Variants in TRPM7 observed in about 807,000 individuals in gnomAD.
The protein encoded by TRPM7 is transient receptor potential cation channel subfamily M member 7.
Under a neutral mutation model 229.7 loss-of-function variants are expected in TRPM7, and 134 were observed. The ratio of observed to expected loss-of-function variants is 0.58; its 90% CI spans 0.51 to 0.67. The LOEUF (loss-of-function observed/expected upper bound fraction) is 0.67. TRPM7 is among the 30% of genes least tolerant of loss of function. The probability of loss-of-function intolerance (pLI) is 0.00; values close to 1 mark genes in which losing one functional copy is unlikely to be tolerated. For synonymous variants in TRPM7, 699 were observed against 715.2 expected (o/e 0.98, Z 0.36); for missense variants, 1,901 against 2,210.0 (o/e 0.86, Z 2.80).
chr15:50,592,062 T>C lies in TRPM7; in HGVS notation c.4173A>G (p.Ile1391Met), dbSNP rs746157060. 5 of 1,613,336 alleles carry C rather than the reference T, an allele frequency of 3.1e-6. No homozygotes were observed. The highest frequency in any genetic ancestry group is 4.2e-6 in the Non-Finnish European group (5 of 1,179,794). The change falls in exon 26 of 39, where the codon ATA becomes ATG. Residue 1391 changes from isoleucine (I) to methionine (M), a missense_variant. Physicochemically the swap from Ile to Met is conservative, Grantham distance 10 (BLOSUM62 1). Transcript: ENST00000646667. ...TGGTTGGTGGGGATGACAGATGTGGTATGCTAGTAGATGAACTGCCTAATT... is the reference window on the plus strand; with the variant it reads ...TGGTTGGTGGGGATGACAGATGTGGCATGCTAGTAGATGAACTGCCTAATT... ...NQKLGSSSTS[I>M]PHLSSPPTKF...
intron 13 of TRPM7, among the ~76,000 whole-genome samples, chr15:50,615,891 C>T (rs866383742): frequency 3.3e-5 from 5 of 151,772 alleles, no homozygotes; most frequent in East Asian, 1.9e-4. Context: ...GGCGAAACTC[C>T]GTCTCAAAAA....
In TRPM7 at chr15:50,593,576, AT is replaced by A. The variant is rs768294474; in HGVS notation, c.3608+40del. 3.6e-5 allele frequency: 58 copies of A among 1,591,068 alleles called. 1 individual carries two copies. The South Asian group carries it at 6.5e-4, about 18-fold the overall frequency. Reference sequence around the variant, plus strand: ...ATAAGAAATATAACGAATAGATCCCATTTTGACATATAACCGATTTTAACTA... The same window carrying A: ...ATAAGAAATATAACGAATAGATCCCATTTGACATATAACCGATTTTAACTA... On this transcript the variant is annotated intron_variant, in intron 25 of 38. Transcript: ENST00000646667.
Position 50,662,999 on chromosome 15 carries a change from T to C in TRPM7, c.51A>G (p.Val17=), listed in dbSNP as rs757614780. Residue 17 remains valine, a synonymous_variant, in exon 2 of 39, where the codon GTA becomes GTG. Transcript: ENST00000646667. ...GGTCCTTGGAACTTGGTATAATATA[T>C]ACACATTCCCTCTTGGTCAAAGTGC... The part of the protein sequence containing the change: ...IESTLTKREC[V]YIIPSSKDPH... The C allele has an allele frequency of 8.5e-5, 137 of 1,613,840 alleles. No homozygotes were observed. The highest frequency in any genetic ancestry group is 5.0e-4 in the Middle Eastern group (3 of 6,060).
At chr15:50,632,731 A>T (rs1321014942) in intron 9 of TRPM7, 138 bp downstream of exon 9, 4 of 808,964 alleles carry the variant, frequency 4.9e-6, no homozygotes, top group Non-Finnish European at 5.4e-6. Context: ...CCAATAAATG[A>T]CATATTTTTA....
intron 1 of TRPM7, among the ~76,000 whole-genome samples, chr15:50,685,776 C>T (rs1407484919): frequency 6.6e-6 from 1 of 152,072 alleles, no homozygotes; most frequent in African/African-American, 2.4e-5. Context: ...TGCAATGCAC[C>T]GCCTCCCTCT....
chr15:50,634,685 C>T (rs2060836952), intron 7 of TRPM7, 129 bp from the exon 8 acceptor site: 4 of 679,108 alleles, frequency 5.9e-6, no homozygotes, highest in African/African-American at 5.7e-5. Context: ...AAAGTAAAAA[C>T]ATAATTTCTA....
At chr15:50,682,950 G>A (rs1378301502) in intron 1 of TRPM7, among the ~76,000 whole-genome samples, 1 of 150,704 alleles carries the variant, frequency 6.6e-6, no homozygotes, top group African/African-American at 2.5e-5. Flanking sequence ...AGGCTGGAGT[G>A]CAGTGGCATG....
rs2059558706 is a variant in TRPM7, at chr15:50,593,568, T to TA, written c.3608+48dup. ...GACCATGTATAAGAAATATAACGAA[T>TA]AGATCCCATTTTGACATATAACCGA... On this transcript the variant is annotated intron_variant, in intron 25 of 38. Transcript: ENST00000646667. 1.9e-6 allele frequency: 3 copies of TA among 1,573,600 alleles called. No individual in the cohort carries two copies. The African/African-American group carries it at 4.1e-5, about 21-fold the overall frequency.
intron 3 of TRPM7, among the ~76,000 whole-genome samples, chr15:50,649,683 T>C (rs1293095159): frequency 3.3e-5 from 5 of 152,136 alleles, no homozygotes; most frequent in Admixed American, 6.6e-5. Flanking sequence ...CAAAGACAGA[T>C]GGCTTTCTAC....
chr15:50,628,257 A>G lies in TRPM7; in HGVS notation c.1205-8T>C. On this transcript the variant is annotated splice_polypyrimidine_tract_variant and splice_region_variant and intron_variant, in intron 10 of 38. Transcript: ENST00000646667. Reference sequence around the variant, plus strand: ...ATGCAGATGCATTAGTACCTAATCGAATAAAGAAAATAGTTGACAGGTTCA... The same window carrying G: ...ATGCAGATGCATTAGTACCTAATCGGATAAAGAAAATAGTTGACAGGTTCA... The G allele has an allele frequency of 6.3e-7, 1 of 1,577,336 alleles. No homozygotes were observed. Among genetic ancestry groups the G allele is most frequent in the Non-Finnish European group, 8.7e-7 (1 of 1,151,622 alleles).
At chr15:50,664,561 CAAATA>C (rs1020920585) in intron 1 of TRPM7, among the ~76,000 whole-genome samples, 7 of 151,946 alleles carry the variant, frequency 4.6e-5, no homozygotes, top group African/African-American at 1.5e-4. Context: ...TATGATTAAC[CAAATA>C]AAAGTTTCAA....
chr15:50,665,226 C>T (rs983800327), intron 1 of TRPM7, among the ~76,000 whole-genome samples: 18 of 151,804 alleles, frequency 1.2e-4, no homozygotes, highest in Non-Finnish European at 2.4e-4. Context: ...TGGTGAAACC[C>T]GTCTCTACTA....
chr15:50,618,697 T>C (rs1253324684), intron 13 of TRPM7, among the ~76,000 whole-genome samples: 2 of 152,196 alleles, frequency 1.3e-5, no homozygotes, highest in African/African-American at 4.8e-5. Flanking sequence ...CGGTGAAGAC[T>C]AGGCTTTTAG....
rs2053196629 is a variant in TRPM7 at position 50,558,257 on chromosome 15, G to C, written c.*3421C>G. 1.3e-5 allele frequency: 2 copies of C among 152,150 alleles called. No homozygotes were observed. The highest frequency in any genetic ancestry group is 1.3e-4 in the Admixed American group (2 of 15,266). The allele number at this position is 152,150 out of a possible 1,614,324, so 9.4% of individuals were successfully genotyped here. A position where few individuals can be genotyped will look rare whatever the true frequency, so the allele number is the denominator to read the frequency against. ...AATACAGCACATAATTCACAGCACA[G>C]ATGAGGCTGGGTGCAGCAATTCATG... On this transcript the variant is annotated 3_prime_UTR_variant, in exon 39 of 39. Coordinates refer to ENST00000646667, the MANE Select transcript of TRPM7 (RefSeq NM_017672.6).
chr15:50,619,833 T>C, intron 12 of TRPM7, 35 bp from the exon 13 acceptor site: 1 of 1,557,436 alleles, frequency 6.4e-7, no homozygotes, highest in Non-Finnish European at 8.7e-7. Flanking sequence ...AACTATTATT[T>C]TTCTTCTAAA....
intron 12 of TRPM7, among the ~76,000 whole-genome samples, chr15:50,620,787 C>T (rs1344896101): frequency 6.6e-6 from 1 of 152,060 alleles, no homozygotes; most frequent in Non-Finnish European, 1.5e-5. Context: ...ACAAAATTAG[C>T]CGGGTGTGGT....
At chr15:50,609,527 TC>T (rs1166755597) in intron 19 of TRPM7, 53 bp downstream of exon 19, 2 of 1,508,136 alleles carry the variant, frequency 1.3e-6, no homozygotes, top group Admixed American at 2.2e-5. Context: ...GAACCAATGG[TC>T]CCCCAAAGCC....
At position 50,589,663 on chromosome 15, in the gene TRPM7, T is replaced by TG; in HGVS notation, c.4325-8_4325-7insC. The TG allele has an allele frequency of 6.4e-7, 1 of 1,573,590 alleles. No homozygotes were observed. Among genetic ancestry groups the TG allele is most frequent in the Non-Finnish European group, 8.6e-7 (1 of 1,158,652 alleles). On this transcript the variant is annotated splice_polypyrimidine_tract_variant and splice_region_variant and intron_variant, in intron 26 of 38. Coordinates refer to ENST00000646667, the MANE Select transcript of TRPM7 (RefSeq NM_017672.6). ...TCCATGCTATCTCTGTGTCCTTTAA[T>TG]AGAAAAAAAGATGTTGCAATGAGAA...
At position 50,560,186 on chromosome 15, in the gene TRPM7, A is replaced by C. The variant is rs2053257731; in HGVS notation, c.*1492T>G. 1 of 152,388 alleles carries C rather than the reference A, an allele frequency of 6.6e-6. No homozygotes were observed. Among genetic ancestry groups the C allele is most frequent in the Non-Finnish European group, 1.5e-5 (1 of 68,016 alleles). 9.4% of individuals were successfully genotyped at this position (152,388 alleles called of 1,614,324 possible). A position where few individuals can be genotyped will look rare whatever the true frequency, so the allele number is the denominator to read the frequency against. ...TAATTTAAACATTGTACAGGACAGG[A>C]GATCAAAAGCACAGGTATACAAATG... On this transcript the variant is annotated 3_prime_UTR_variant, in exon 39 of 39. Coordinates refer to ENST00000646667, the MANE Select transcript of TRPM7 (RefSeq NM_017672.6).
Sources: allele counts gnomAD v4.1 joint callset (sites outside exome capture counted in the v4.1 genomes callset), GRCh38; gene constraint gnomAD v4.1.1; transcripts MANE v1.5; gene names NCBI Gene and HGNC (gene_info 2026-07-23, HGNC 2026-07-21).